Variants in KLHL29 observed in about 807,000 individuals in gnomAD.
The protein encoded by KLHL29 is kelch-like protein 29.
KLHL29 carries 21 observed loss-of-function variants against 80.4 expected under a neutral mutation model. That is an observed-to-expected ratio of 0.26 (90% CI 0.19 to 0.38). The LOEUF is 0.38. Among genes scored for constraint, KLHL29 ranks in the 10% least tolerant of loss-of-function variants. The probability of loss-of-function intolerance (pLI) is 1.00; values close to 1 mark genes in which losing one functional copy is unlikely to be tolerated. For synonymous variants in KLHL29, 511 were observed against 526.8 expected (o/e 0.97, Z 0.41); for missense variants, 867 against 1,223.9 (o/e 0.71, Z 4.35).
At chr2:23,564,212 G>T (rs536524119) in intron 3 of KLHL29, among the ~76,000 whole-genome samples, 2 of 152,188 alleles carry the variant, frequency 1.3e-5, no homozygotes, top group African/African-American at 4.8e-5. Context: ...CGGTGCTGGG[G>T]CTCCCCCACA....
chr2:23,612,322 T>C (rs1176103962), intron 3 of KLHL29, among the ~76,000 whole-genome samples: 9 of 152,236 alleles, frequency 5.9e-5, no homozygotes. Flanking sequence ...AAGTCAATGG[T>C]GTGATATCTT....
intron 1 of KLHL29, among the ~76,000 whole-genome samples, chr2:23,469,323 C>T (rs560140450): frequency 6.6e-6 from 1 of 152,218 alleles, no homozygotes; most frequent in Non-Finnish European, 1.5e-5. Context: ...CACCCGCACC[C>T]ACCGCAGTCC....
intron 1 of KLHL29, among the ~76,000 whole-genome samples, chr2:23,456,515 TA>T (rs886972197): frequency 6.6e-6 from 1 of 152,264 alleles, no homozygotes; most frequent in Non-Finnish European, 1.5e-5. Context: ...ATCCGAGAAC[TA>T]AATCTGAAAC....
At chr2:23,395,783 G>A (rs1021000707) in intron 1 of KLHL29, among the ~76,000 whole-genome samples, 8 of 151,858 alleles carry the variant, frequency 5.3e-5, no homozygotes, top group African/African-American at 1.9e-4. Flanking sequence ...AACTCCGATT[G>A]CATTCAACAC....
chr2:23,682,412 C>T lies in KLHL29; in HGVS notation c.941-1987C>T, dbSNP rs577554348. Among the ~76,000 whole-genome samples, 1 of 152,272 alleles carries T rather than the reference C, an allele frequency of 6.6e-6. No homozygotes were observed. Among genetic ancestry groups the T allele is most frequent in the African/African-American group, 2.4e-5 (1 of 41,538 alleles). Reference sequence around the variant, plus strand: ...CACCCTCAGGTCTGGCTTCGAGGCTCAACTCTCTGCACGGCGCTATCTTGC... The same window carrying T: ...CACCCTCAGGTCTGGCTTCGAGGCTTAACTCTCTGCACGGCGCTATCTTGC... On this transcript the variant is annotated intron_variant, in intron 5 of 13. Coordinates refer to ENST00000486442, the MANE Select transcript of KLHL29 (RefSeq NM_052920.2). This position sits in a 1 kb window ranked among gnomAD's most constrained non-coding sequence, Gnocchi z 4.1.
At chr2:23,674,493 A>G (rs1022822369) in intron 5 of KLHL29, among the ~76,000 whole-genome samples, 4 of 152,114 alleles carry the variant, frequency 2.6e-5, no homozygotes, top group African/African-American at 7.2e-5. Flanking sequence ...AAGGTGCTGA[A>G]CTTGTCTCTT....
chr2:23,631,861 A>G (rs986355152), intron 3 of KLHL29, among the ~76,000 whole-genome samples: 11 of 152,042 alleles, frequency 7.2e-5, no homozygotes, highest in Non-Finnish European at 1.6e-4. Flanking sequence ...CATAAGCAAG[A>G]CCCAAAACTC....
At chr2:23,530,838 C>T (rs1476092664) in intron 2 of KLHL29, among the ~76,000 whole-genome samples, 1 of 152,172 alleles carries the variant, frequency 6.6e-6, no homozygotes, top group Non-Finnish European at 1.5e-5. Context: ...GAGTGGAGGC[C>T]ACCAAGGGTT....
At chr2:23,588,232 G>T (rs1668166898) in intron 3 of KLHL29, among the ~76,000 whole-genome samples, 1 of 152,174 alleles carries the variant, frequency 6.6e-6, no homozygotes, top group Non-Finnish European at 1.5e-5. Context: ...AACATCGAGT[G>T]GGCCCCAGGA....
At chr2:23,582,554 T>TA (rs1668013258) in intron 3 of KLHL29, among the ~76,000 whole-genome samples, 1 of 152,156 alleles carries the variant, frequency 6.6e-6, no homozygotes, top group Non-Finnish European at 1.5e-5. Context: ...CTCCAGGAAC[T>TA]TCACAAGATG....
At chr2:23,631,792 A>G (rs1669475510) in intron 3 of KLHL29, among the ~76,000 whole-genome samples, 1 of 152,136 alleles carries the variant, frequency 6.6e-6, no homozygotes. Flanking sequence ...CCTGAAACCT[A>G]GGCTCAGAAC....
At chr2:23,532,123 A>C (rs1666509861) in intron 2 of KLHL29, among the ~76,000 whole-genome samples, 6 of 152,124 alleles carry the variant, frequency 3.9e-5, no homozygotes, top group Admixed American at 3.9e-4. Flanking sequence ...AACCCGCTCC[A>C]CTGGGGCCAT....
At chr2:23,435,460 G>A (rs1370603107) in intron 1 of KLHL29, among the ~76,000 whole-genome samples, 1 of 152,130 alleles carries the variant, frequency 6.6e-6, no homozygotes, top group Non-Finnish European at 1.5e-5. Flanking sequence ...GAGTCCAGGT[G>A]GATATGACAG....
chr2:23,407,838 G>T (rs1666768904), intron 1 of KLHL29, among the ~76,000 whole-genome samples: 1 of 152,036 alleles, frequency 6.6e-6, no homozygotes, highest in African/African-American at 2.4e-5. Context: ...TTTGCGTTTA[G>T]TGAATGATCT....
intron 5 of KLHL29, among the ~76,000 whole-genome samples, chr2:23,655,577 A>C (rs966010933): frequency 3.3e-5 from 5 of 152,068 alleles, no homozygotes; most frequent in African/African-American, 1.2e-4. Flanking sequence ...AATTCCCCAA[A>C]TCGGCATAAA....
chr2:23,484,384 G>T (rs113568594), intron 2 of KLHL29, among the ~76,000 whole-genome samples: 1 of 152,212 alleles, frequency 6.6e-6, no homozygotes, highest in Non-Finnish European at 1.5e-5. Context: ...AGATAAAAGT[G>T]TCTGGCTCGT....
chr2:23,570,123 C>A (rs925724988), intron 3 of KLHL29, among the ~76,000 whole-genome samples: 1 of 152,212 alleles, frequency 6.6e-6, no homozygotes, highest in Non-Finnish European at 1.5e-5. Context: ...GGCAAGAAAC[C>A]TCATTTTCCT....
chr2:23,474,033 G>C, intron 1 of KLHL29, among the ~76,000 whole-genome samples: 1 of 151,992 alleles, frequency 6.6e-6, no homozygotes, highest in South Asian at 2.1e-4. Context: ...CAGGCCCCCC[G>C]ACAACATGCA....
intron 2 of KLHL29, among the ~76,000 whole-genome samples, chr2:23,504,962 G>A (rs998812340): frequency 2.6e-5 from 4 of 152,234 alleles, no homozygotes; most frequent in African/African-American, 9.6e-5. Flanking sequence ...GCACTGAGCA[G>A]CTTTGATCTG....
Sources: allele counts gnomAD v4.1 joint callset (sites outside exome capture counted in the v4.1 genomes callset), GRCh38; gene constraint gnomAD v4.1.1; non-coding constraint Gnocchi (gnomAD v3.1); transcripts MANE v1.5; gene names NCBI Gene and HGNC (gene_info 2026-07-23, HGNC 2026-07-21).